RGS12: variants seen among roughly 807,000 people sequenced by gnomAD.
RGS12 encodes regulator of G-protein signaling 12.
RGS12 carries 66 observed loss-of-function variants against 120.1 expected under a neutral mutation model. The ratio of observed to expected loss-of-function variants is 0.55; its 90% CI spans 0.45 to 0.67. RGS12 has a LOEUF of 0.67. Ranked by LOEUF, RGS12 falls within the 30% of genes least tolerant of loss-of-function variation. The pLI, the probability that RGS12 is intolerant of heterozygous loss-of-function variation, is 0.00. For missense variants in RGS12, 1,859 were observed against 1,957.7 expected (o/e 0.95, Z 0.95); for synonymous variants, 827 against 804.7 (o/e 1.03, Z -0.47).
At chr4:3,328,354 A>G (rs1179235915) in intron 2 of RGS12, among the ~76,000 whole-genome samples, 5 of 152,216 alleles carry the variant, frequency 3.3e-5, no homozygotes, top group African/African-American at 7.2e-5. Flanking sequence ...CTATGCATGT[A>G]TAGTAACAAA....
intron 16 of RGS12, 98 bp from the exon 17 acceptor site, chr4:3,430,309 G>T: frequency 8.9e-7 from 1 of 1,117,670 alleles, no homozygotes; most frequent in South Asian, 1.5e-5. Context: ...TAGGGTGTTA[G>T]GACAGCCCAG....
At position 3,294,719 on chromosome 4, in the gene RGS12, G is replaced by C. The variant is rs115950003; in HGVS notation, c.-102+1620G>C. 6.5e-3 allele frequency among the ~76,000 whole-genome samples: 986 copies of C among 152,302 alleles called. 11 individuals carry two copies. The highest frequency in any genetic ancestry group is 0.023 in the African/African-American group (947 of 41,560). On this transcript the variant is annotated intron_variant, in intron 1 of 17. Coordinates refer to ENST00000336727, the MANE Select transcript of RGS12 (RefSeq NM_001394154.1). ...AAACTGCAAGTCCAGCCTTATCTCTGAGACCTCCTGAGGCTGGAACCTGCC... is the reference window on the plus strand; with the variant it reads ...AAACTGCAAGTCCAGCCTTATCTCTCAGACCTCCTGAGGCTGGAACCTGCC...
intron 2 of RGS12, among the ~76,000 whole-genome samples, chr4:3,321,008 C>T (rs1725146382): frequency 6.6e-6 from 1 of 152,168 alleles, no homozygotes; most frequent in African/African-American, 2.4e-5. Flanking sequence ...AGGCAGCGAG[C>T]TTCACGTGAC....
At chr4:3,371,928 C>G (rs1273088547) in intron 3 of RGS12, among the ~76,000 whole-genome samples, 1 of 152,156 alleles carries the variant, frequency 6.6e-6, no homozygotes, top group Non-Finnish European at 1.5e-5. Context: ...TTGCCCGACT[C>G]CATTCAAAGA....
At position 3,417,447 on chromosome 4, in the gene RGS12, C is replaced by G; in HGVS notation, c.2667C>G (p.Ser889Arg). The G allele has an allele frequency of 1.2e-6, 2 of 1,611,058 alleles. No individual in the cohort carries two copies. The highest frequency in any genetic ancestry group is 1.7e-4 in the Middle Eastern group (1 of 6,042). The stretch of plus-strand genomic sequence containing the variant: ...ATGAAGAGCTGGGGGATGAGGACAG[C>G]GAGAAGAAGCGGAAAGGCGCGTTTT... ...SLNEELGDEDSEKKRKGAFFS... is the reference protein window; with the variant it reads ...SLNEELGDEDREKKRKGAFFS... The change falls in exon 9 of 18, where the codon AGC becomes AGG. Residue 889 changes from serine to arginine, a missense_variant. This residue lies in a region of RGS12 where 375 missense variants were observed against 475.0 expected (regional missense o/e 0.79). Coordinates refer to ENST00000336727, the MANE Select transcript of RGS12 (RefSeq NM_001394154.1).
intron 3 of RGS12, among the ~76,000 whole-genome samples, chr4:3,356,279 T>C (rs909547254): frequency 6.6e-6 from 1 of 152,254 alleles, no homozygotes; most frequent in East Asian, 1.9e-4. Context: ...GGTCTCAAAC[T>C]CCTGAGCTCA....
rs1242846127 is a variant in RGS12, at chr4:3,433,209, A to G, written c.4114+2254A>G. 6.6e-6 allele frequency among the ~76,000 whole-genome samples: 1 copy of G among 152,188 alleles called. No individual in the cohort carries two copies. The highest frequency in any genetic ancestry group is 1.5e-5 in the Non-Finnish European group (1 of 68,008). On this transcript the variant is annotated intron_variant, in intron 17 of 17. Coordinates refer to ENST00000336727, the MANE Select transcript of RGS12 (RefSeq NM_001394154.1). The surrounding 1 kb of genome is among the most constrained non-coding windows in gnomAD (Gnocchi z 4.4). ...TCCCGGGTCACGCTCTCCGACGTTG[A>G]CAGTTGCTGTGGGATGCTTCCTCAC... is the stretch of plus-strand genomic sequence containing the variant.
At chr4:3,335,680 T>C (rs1024387393) in intron 2 of RGS12, among the ~76,000 whole-genome samples, 23 of 152,150 alleles carry the variant, frequency 1.5e-4, no homozygotes, top group African/African-American at 5.3e-4. Flanking sequence ...GTGCCATGGC[T>C]CACACCTGTA....
chr4:3,333,956 A>G (rs1320694787), intron 2 of RGS12, among the ~76,000 whole-genome samples: 1 of 152,200 alleles, frequency 6.6e-6, no homozygotes, highest in Non-Finnish European at 1.5e-5. Context: ...TATTTCAGTA[A>G]AACTTTGTAA....
chr4:3,432,338 C>G (rs916797243), intron 17 of RGS12: 4 of 286,134 alleles, frequency 1.4e-5, no homozygotes, highest in Non-Finnish European at 1.6e-5. Flanking sequence ...GAACAAAACT[C>G]TTGAGCACCT....
At chr4:3,346,282 A>T (rs1157261200) in intron 3 of RGS12, among the ~76,000 whole-genome samples, 1 of 152,204 alleles carries the variant, frequency 6.6e-6, no homozygotes, top group Non-Finnish European at 1.5e-5. Context: ...TTAGGGTTCT[A>T]TCTAGTTCCC....
chr4:3,425,617 G>A, intron 14 of RGS12, 57 bp downstream of exon 14: 1 of 1,385,290 alleles, frequency 7.2e-7, no homozygotes, highest in Non-Finnish European at 1.0e-6. Flanking sequence ...GTGCAGGGGA[G>A]GGGGCTATGG....
At chr4:3,340,212 C>T (rs116807724) in intron 2 of RGS12, among the ~76,000 whole-genome samples, 2,743 of 152,290 alleles carry the variant, frequency 0.018, 70 homozygotes, top group African/African-American at 0.059. Flanking sequence ...GCCGGGGCCG[C>T]ACACCTGCCA....
intron 3 of RGS12, among the ~76,000 whole-genome samples, chr4:3,368,505 G>T (rs186177646): frequency 7.7e-6 from 1 of 130,060 alleles, no homozygotes; most frequent in Non-Finnish European, 1.6e-5. Flanking sequence ...TGTGTGTGTG[G>T]GTGCCTGTGT....
At chr4:3,325,067 C>A (rs1429828538) in intron 2 of RGS12, among the ~76,000 whole-genome samples, 1 of 151,852 alleles carries the variant, frequency 6.6e-6, no homozygotes, top group African/African-American at 2.4e-5. Flanking sequence ...AAAAATCTGC[C>A]AAAGGGGAAA....
rs532914936 is a variant in RGS12, at chr4:3,435,366, C to T, written c.4115-4089C>T. Among the ~76,000 whole-genome samples the T allele has an allele frequency of 7.9e-5, 12 of 152,228 alleles. No homozygotes were observed. The East Asian group carries it at 2.1e-3, about 27-fold the overall frequency. ...GGCCTCCTCGGCAGCTCCCGTGCCC[C>T]GCCCTCCGCAGGAGCAGATGCAGCT... On this transcript the variant is annotated intron_variant, in intron 17 of 17. Coordinates refer to ENST00000336727, the MANE Select transcript of RGS12 (RefSeq NM_001394154.1).
chr4:3,430,849 C>T lies in RGS12; in HGVS notation c.4008C>T (p.His1336=), dbSNP rs747681603. 1.7e-5 allele frequency: 28 copies of T among 1,611,564 alleles called. No individual in the cohort carries two copies. The highest frequency in any genetic ancestry group is 2.0e-5 in the Non-Finnish European group (24 of 1,179,434). ...GCATCCAGACGGTGGAGGATGAGCA[C>T]GTGGCCGAGCTGACCCTGATGGGGG... ...AGGIQTVEDE[H]VAELTLMGEG... The change falls in exon 17 of 18, where the codon CAC becomes CAT. Residue 1336 remains histidine, a synonymous_variant. Coordinates refer to ENST00000336727, the MANE Select transcript of RGS12 (RefSeq NM_001394154.1).
At chr4:3,378,376 A>G (rs1717911136) in intron 3 of RGS12, 1 of 152,340 alleles carries the variant, frequency 6.6e-6, no homozygotes, top group Middle Eastern at 3.4e-3. Context: ...TGGACATGAC[A>G]CTAAAAGAAC....
chr4:3,327,410 GACA>G (rs748357421), intron 2 of RGS12, among the ~76,000 whole-genome samples: 4 of 152,156 alleles, frequency 2.6e-5, no homozygotes, highest in Non-Finnish European at 5.9e-5. Context: ...CAGAAGTACA[GACA>G]ACAAAAACAA....
Sources: allele counts gnomAD v4.1 joint callset (sites outside exome capture counted in the v4.1 genomes callset), GRCh38; gene constraint gnomAD v4.1.1; regional missense constraint gnomAD v4.1.1; non-coding constraint Gnocchi (gnomAD v3.1); transcripts MANE v1.5; gene names NCBI Gene and HGNC (gene_info 2026-07-23, HGNC 2026-07-21).